The following RANBP17 variants were observed in gnomAD, a reference collection of about 807,000 sequenced individuals.
RANBP17 encodes the protein ran-binding protein 17.
A neutral mutation model predicts 141.2 loss-of-function variants in RANBP17; 158 were observed. That is an observed-to-expected ratio of 1.12 (90% CI 0.98 to 1.28). The LOEUF (loss-of-function observed/expected upper bound fraction) is 1.28, where lower values mean the gene tolerates loss of function less well. RANBP17 is among the 50% of genes most tolerant of loss of function. RANBP17 has a pLI of 0.00. For missense variants in RANBP17, 1,438 were observed against 1,290.7 expected, an observed-to-expected ratio of 1.11 and a Z score of -1.75; for synonymous variants, 430 against 450.0, an observed-to-expected ratio of 0.96 and a Z score of 0.56.
At chr5:171,262,881 T>C (rs1055554764) in intron 24 of RANBP17, among the ~76,000 whole-genome samples, 1 of 152,208 alleles carries the variant, frequency 6.6e-6, no homozygotes, top group South Asian at 2.1e-4. Context: ...TCATCCCTCA[T>C]GATCCTGTAT....
intron 18 of RANBP17, among the ~76,000 whole-genome samples, chr5:171,189,085 T>C (rs1761460333): frequency 6.6e-6 from 1 of 152,138 alleles, no homozygotes. Context: ...AATGTAAATA[T>C]CTGTTGCATT....
Position 171,013,916 on chromosome 5 carries a change from T to G in RANBP17, c.1710+45539T>G, listed in dbSNP as rs143476183. Among the ~76,000 whole-genome samples, 499 of 152,206 alleles carry G rather than the reference T, an allele frequency of 3.3e-3. 2 individuals carry two copies. The highest frequency in any genetic ancestry group is 0.011 in the African/African-American group (468 of 41,552). On this transcript the variant is annotated intron_variant, in intron 14 of 27. Transcript: ENST00000523189. ...TCTTCCTGATTCTCTTTGTACTTGG[T>G]TCTCTCAGTTGTTGAGGGAGAAGTC...
chr5:171,109,097 G>A (rs1005810366), intron 14 of RANBP17, among the ~76,000 whole-genome samples: 3 of 152,118 alleles, frequency 2.0e-5, no homozygotes, highest in Non-Finnish European at 2.9e-5. Context: ...ATGGCTGTGT[G>A]ACACAGAAAA....
chr5:171,254,989 C>T (rs1201325018), intron 24 of RANBP17, among the ~76,000 whole-genome samples: 1 of 152,080 alleles, frequency 6.6e-6, no homozygotes, highest in East Asian at 1.9e-4. Flanking sequence ...TTAACAGGGT[C>T]ACTTAGGTAA....
Position 170,916,565 on chromosome 5 carries a change from G to T in RANBP17, c.935G>T (p.Arg312Met). The T allele has an allele frequency of 1.3e-6, 2 of 1,561,550 alleles. No homozygotes were observed. The highest frequency in any genetic ancestry group is 1.8e-4 in the Middle Eastern group (1 of 5,710). ...GGTAATTTAATTAAGGGAGTAAAAA[G>T]GATACTTGAAAACCCTCAGGTATTT... is the stretch of plus-strand genomic sequence containing the variant. ...YLGNLIKGVK[R>M]ILENPQGLSD... The change falls in exon 9 of 28, where the codon AGG (arginine) becomes ATG (methionine). Residue 312 changes from arginine (R) to methionine (M), a missense_variant. By Grantham distance (91) the Arg-to-Met change is moderately conservative. Coordinates refer to ENST00000523189, the MANE Select transcript of RANBP17 (RefSeq NM_022897.5).
chr5:171,099,597 T>C (rs1786982246), intron 14 of RANBP17, among the ~76,000 whole-genome samples: 2 of 152,198 alleles, frequency 1.3e-5, no homozygotes, highest in Admixed American at 6.5e-5. Flanking sequence ...CCCTTATTTC[T>C]TTCTCTTGCC....
At chr5:170,985,032 G>C (rs1348725183) in intron 14 of RANBP17, among the ~76,000 whole-genome samples, 1 of 112,328 alleles carries the variant, frequency 8.9e-6, no homozygotes, top group Non-Finnish European at 2.0e-5. Context: ...TACACACACA[G>C]ACACACAGGC....
At chr5:170,968,512 A>C in intron 14 of RANBP17, 135 bp downstream of exon 14, 1 of 798,412 alleles carries the variant, frequency 1.3e-6, no homozygotes, top group Non-Finnish European at 2.1e-6. Context: ...TTGGTGATGA[A>C]GTGCAATGTA....
At position 171,053,925 on chromosome 5, in the gene RANBP17, A is replaced by ATATATATATATATATT. The variant is rs1491125081; in HGVS notation, c.1710+85548_1710+85549insTATATATATATATATT. On this transcript the variant is annotated intron_variant, in intron 14 of 27. Coordinates refer to ENST00000523189, the MANE Select transcript of RANBP17 (RefSeq NM_022897.5). ...TATATATATATATATATATATATATAATTGCTGTATTTGATGCATATATGC... is the reference window on the plus strand; with the variant it reads ...TATATATATATATATATATATATATATATATATATATATATTATTGCTGTATTTGATGCATATATGC... 7.1e-4 allele frequency among the ~76,000 whole-genome samples: 23 copies of ATATATATATATATATT among 32,370 alleles called. 3 individuals carry two copies. The highest frequency in any genetic ancestry group is 1.4e-3 in the Non-Finnish European group (21 of 15,106). The allele number at this position is 32,370 out of a possible 152,430, so 21.2% of individuals were successfully genotyped here.
intron 5 of RANBP17, among the ~76,000 whole-genome samples, chr5:170,897,819 T>C: frequency 6.6e-6 from 1 of 152,242 alleles, no homozygotes; most frequent in African/African-American, 2.4e-5. Flanking sequence ...TTGATGGGCA[T>C]TTGGGTTGGT....
chr5:171,261,445 G>A (rs927261333), intron 24 of RANBP17, among the ~76,000 whole-genome samples: 4 of 152,120 alleles, frequency 2.6e-5, no homozygotes, highest in African/African-American at 9.7e-5. Flanking sequence ...CCTTTGTGTT[G>A]TGGTGACAAG....
intron 16 of RANBP17, among the ~76,000 whole-genome samples, chr5:171,178,824 G>A (rs1561736078): frequency 6.6e-6 from 1 of 152,124 alleles, no homozygotes; most frequent in Non-Finnish European, 1.5e-5. Flanking sequence ...GTCTTCTTTT[G>A]AGAAGTGTCT....
chr5:170,873,231 C>T (rs1767900015), intron 1 of RANBP17, among the ~76,000 whole-genome samples: 2 of 152,188 alleles, frequency 1.3e-5, no homozygotes, highest in Admixed American at 1.3e-4. Context: ...TTTTGATGTG[C>T]TGCTGGATTT....
intron 12 of RANBP17, among the ~76,000 whole-genome samples, chr5:170,935,600 TCA>T (rs1016917176): frequency 6.6e-6 from 1 of 152,190 alleles, no homozygotes; most frequent in Non-Finnish European, 1.5e-5. Context: ...TGCCTGGGTA[TCA>T]CCAGCTGAGG....
intron 24 of RANBP17, among the ~76,000 whole-genome samples, chr5:171,244,048 A>G (rs1765055052): frequency 1.3e-5 from 2 of 152,134 alleles, no homozygotes; most frequent in African/African-American, 4.8e-5. Context: ...AGACTGCACC[A>G]TTGCACTCAG....
chr5:171,000,201 A>G (rs1581359056), intron 14 of RANBP17, among the ~76,000 whole-genome samples: 1 of 152,164 alleles, frequency 6.6e-6, no homozygotes, highest in Non-Finnish European at 1.5e-5. Context: ...TGCTATGAAT[A>G]TGGATATACA....
intron 14 of RANBP17, among the ~76,000 whole-genome samples, chr5:171,038,716 T>G (rs1020923105): frequency 6.6e-6 from 1 of 152,142 alleles, no homozygotes; most frequent in Non-Finnish European, 1.5e-5. Context: ...TTATTGAAAG[T>G]TTTTTCCACA....
intron 3 of RANBP17, among the ~76,000 whole-genome samples, chr5:170,888,753 G>C (rs1769363321): frequency 6.6e-6 from 1 of 152,088 alleles, no homozygotes; most frequent in Non-Finnish European, 1.5e-5. Flanking sequence ...AGTGGTGAGA[G>C]GGGACATCTT....
intron 14 of RANBP17, among the ~76,000 whole-genome samples, chr5:171,098,698 A>G (rs1047462009): frequency 1.3e-5 from 2 of 152,166 alleles, no homozygotes; most frequent in Non-Finnish European, 2.9e-5. Flanking sequence ...TGTTTTAGTC[A>G]TGAAGTTATC....
Sources: allele counts gnomAD v4.1 joint callset (sites outside exome capture counted in the v4.1 genomes callset), GRCh38; gene constraint gnomAD v4.1.1; transcripts MANE v1.5; gene names NCBI Gene and HGNC (gene_info 2026-07-23, HGNC 2026-07-21).